The following SMOC2 variants were observed in gnomAD, a reference collection of about 807,000 sequenced individuals.
SMOC2 encodes SPARC-related modular calcium-binding protein 2.
SMOC2 carries 39 observed loss-of-function variants against 61.4 expected under a neutral mutation model. The ratio of observed to expected loss-of-function variants is 0.64; its 90% CI spans 0.49 to 0.83. The LOEUF is 0.83. Among genes scored for constraint, SMOC2 ranks in the 40% least tolerant of loss-of-function variants. The pLI, the probability that SMOC2 is intolerant of heterozygous loss-of-function variation, is 0.00. For synonymous variants in SMOC2, 247 were observed against 239.9 expected (o/e 1.03, Z -0.27); for missense variants, 556 against 592.9 (o/e 0.94, Z 0.65).
At chr6:168,445,058 T>G (rs2114988024) in intron 1 of SMOC2, among the ~76,000 whole-genome samples, 1 of 152,326 alleles carries the variant, frequency 6.6e-6, no homozygotes, top group South Asian at 2.1e-4. Flanking sequence ...CACGACTTCG[T>G]TAAAGGTACC....
Position 168,583,672 on chromosome 6 carries a change from G to C in SMOC2, c.638-15146G>C, listed in dbSNP as rs149005628. ...CACAAGCAAATTTGGAGCCTCCCCC[G>C]CCTCTTGCTCCCCAACCTCCTGCTG... On this transcript the variant is annotated intron_variant, in intron 7 of 12. Transcript: ENST00000356284. 4.0e-3 allele frequency among the ~76,000 whole-genome samples: 605 copies of C among 152,264 alleles called. 4 individuals carry two copies. Among genetic ancestry groups the C allele is most frequent in the African/African-American group, 0.014 (569 of 41,538 alleles).
chr6:168,473,696 G>A (rs1782017849), intron 1 of SMOC2, among the ~76,000 whole-genome samples: 2 of 152,150 alleles, frequency 1.3e-5, no homozygotes, highest in Admixed American at 6.5e-5. Context: ...CTACTTGGGA[G>A]AGGAATAGTT....
At chr6:168,596,941 T>C (rs561900134) in intron 7 of SMOC2, among the ~76,000 whole-genome samples, 46 of 152,374 alleles carry the variant, frequency 3.0e-4, no homozygotes, top group African/African-American at 1.1e-3. Flanking sequence ...CTCTTGTTCA[T>C]TAAACCGATT....
At chr6:168,564,348 A>T (rs1784495256) in intron 7 of SMOC2, among the ~76,000 whole-genome samples, 2 of 152,096 alleles carry the variant, frequency 1.3e-5, no homozygotes, top group African/African-American at 4.8e-5. Flanking sequence ...CCACTGCACA[A>T]GTCCCCGTAC....
intron 1 of SMOC2, among the ~76,000 whole-genome samples, chr6:168,495,398 G>T (rs960076946): frequency 6.6e-6 from 1 of 152,204 alleles, no homozygotes; most frequent in South Asian, 2.1e-4. Context: ...GGTGCCCACC[G>T]CTGGGGTCGC....
chr6:168,458,999 T>G (rs1353065654), intron 1 of SMOC2, among the ~76,000 whole-genome samples: 1 of 152,214 alleles, frequency 6.6e-6, no homozygotes, highest in Non-Finnish European at 1.5e-5. Context: ...TGGTCATAAT[T>G]ATGAATAATG....
At chr6:168,509,686 G>A (rs996324306) in intron 1 of SMOC2, among the ~76,000 whole-genome samples, 1 of 152,150 alleles carries the variant, frequency 6.6e-6, no homozygotes, top group African/African-American at 2.4e-5. Context: ...TGTGTCAGAC[G>A]GCCGATATTG....
chr6:168,492,928 G>GT (rs1202353852), intron 1 of SMOC2, among the ~76,000 whole-genome samples: 16 of 152,196 alleles, frequency 1.1e-4, no homozygotes, highest in Non-Finnish European at 2.1e-4. Context: ...GCATGACGTC[G>GT]TAAGGCTGAC....
At chr6:168,500,492 G>T (rs780708916) in intron 1 of SMOC2, among the ~76,000 whole-genome samples, 3 of 152,062 alleles carry the variant, frequency 2.0e-5, no homozygotes, top group Non-Finnish European at 4.4e-5. Context: ...CCTCACGGAG[G>T]TGTTCTAGGG....
chr6:168,574,380 A>G (rs892735099), intron 7 of SMOC2, among the ~76,000 whole-genome samples: 1 of 152,208 alleles, frequency 6.6e-6, no homozygotes, highest in Non-Finnish European at 1.5e-5. Flanking sequence ...GTCCTTAGGA[A>G]CGAGCTTGGA....
At chr6:168,666,279 T>C in intron 12 of SMOC2, 142 bp from the exon 13 acceptor site, 1 of 733,130 alleles carries the variant, frequency 1.4e-6, no homozygotes, top group Non-Finnish European at 2.2e-6. Context: ...GTCTTCATTG[T>C]TTCTTACTCA....
chr6:168,449,714 C>G (rs1474964735), intron 1 of SMOC2, among the ~76,000 whole-genome samples: 1 of 152,188 alleles, frequency 6.6e-6, no homozygotes, highest in African/African-American at 2.4e-5. Flanking sequence ...AGATTCTGGG[C>G]TGTCCAGCTC....
chr6:168,661,692 A>G (rs1350061818), intron 11 of SMOC2, among the ~76,000 whole-genome samples: 9 of 152,214 alleles, frequency 5.9e-5, no homozygotes, highest in Admixed American at 5.9e-4. Flanking sequence ...AGCTACTTCT[A>G]ACTCCCAGGG....
At chr6:168,660,306 C>G (rs778488928) in intron 11 of SMOC2, among the ~76,000 whole-genome samples, 2 of 152,126 alleles carry the variant, frequency 1.3e-5, no homozygotes, top group African/African-American at 2.4e-5. Flanking sequence ...TGTTGTGAGC[C>G]GCATATCCTG....
rs375267213 is a variant in SMOC2 at position 168,645,385 on chromosome 6, G to A, written c.908-5296G>A. Among the ~76,000 whole-genome samples the A allele has an allele frequency of 2.6e-4, 39 of 152,240 alleles. 1 individual carries two copies. The highest frequency in any genetic ancestry group is 8.4e-4 in the African/African-American group (35 of 41,536). On this transcript the variant is annotated intron_variant, in intron 9 of 12. Coordinates refer to ENST00000356284, the MANE Select transcript of SMOC2 (RefSeq NM_001166412.2). ...GGGAGGAAGTGAGCCTAAAACCCAC[G>A]GGGAAGGGCCACTCAGACAGAGAAA...
intron 1 of SMOC2, among the ~76,000 whole-genome samples, chr6:168,445,091 G>A (rs1781302752): frequency 6.6e-6 from 1 of 152,202 alleles, no homozygotes; most frequent in Non-Finnish European, 1.5e-5. Context: ...TTCAAGAGAT[G>A]AGGAAACTGA....
At chr6:168,451,923 G>T (rs1583026158) in intron 1 of SMOC2, among the ~76,000 whole-genome samples, 1 of 152,164 alleles carries the variant, frequency 6.6e-6, no homozygotes, top group African/African-American at 2.4e-5. Flanking sequence ...AAACATCCAG[G>T]TGCAATCACC....
chr6:168,474,683 T>A (rs962580648), intron 1 of SMOC2, among the ~76,000 whole-genome samples: 1 of 152,168 alleles, frequency 6.6e-6, no homozygotes, highest in Non-Finnish European at 1.5e-5. Context: ...CTGCGCAGGC[T>A]GTGCACTGCA....
chr6:168,608,043 C>T, intron 8 of SMOC2, 114 bp from the exon 9 acceptor site: 1 of 890,192 alleles, frequency 1.1e-6, no homozygotes, highest in Non-Finnish European at 1.7e-6. Context: ...AGCATCAGAG[C>T]CACAGGTCAC....
Sources: gnomAD v4.1 joint callset for allele counts (sites outside exome capture counted in the v4.1 genomes callset) on GRCh38, gnomAD v4.1.1 for gene constraint, MANE v1.5 for transcripts, NCBI Gene and HGNC (gene_info 2026-07-23, HGNC 2026-07-21) for gene names.